The following PUF60 variants were observed in gnomAD, a reference collection of about 807,000 sequenced individuals.
PUF60 encodes the protein poly(U) binding splicing factor 60.
PUF60 carries 10 observed loss-of-function variants against 61.8 expected under a neutral mutation model. The ratio of observed to expected loss-of-function variants is 0.16; its 90% confidence interval spans 0.10 to 0.27. The LOEUF (loss-of-function observed/expected upper bound fraction) is 0.27. PUF60 is among the 10% of genes least tolerant of loss of function. The probability of loss-of-function intolerance (pLI) is 1.00; values close to 1 mark genes in which losing one functional copy is unlikely to be tolerated. For missense variants in PUF60, 371 were observed against 754.0 expected (o/e 0.49, Z 5.95); for synonymous variants, 353 against 300.9 (o/e 1.17, Z -1.79).
At chr8:143,827,731 C>A (rs999763400) in intron 1 of PUF60, among the ~76,000 whole-genome samples, 6 of 152,242 alleles carry the variant, frequency 3.9e-5, no homozygotes, top group Admixed American at 6.5e-5. Flanking sequence ...TTAAACCCAA[C>A]AGAATTTGGA....
intron 2 of PUF60, chr8:143,822,466 C>T (rs1162356186): frequency 6.6e-6 from 3 of 456,486 alleles, no homozygotes; most frequent in Non-Finnish European, 1.3e-5. Flanking sequence ...CCCCACCGTC[C>T]CCGCAGGCAC....
At chr8:143,827,356 A>G in intron 1 of PUF60, 1 of 456,230 alleles carries the variant, frequency 2.2e-6, no homozygotes, top group East Asian at 6.9e-5. Context: ...CCATGCGTCA[A>G]AGTGAAAAGA....
intron 1 of PUF60, among the ~76,000 whole-genome samples, chr8:143,825,579 G>C (rs1458708489): frequency 6.6e-6 from 1 of 152,152 alleles, no homozygotes; most frequent in East Asian, 1.9e-4. Context: ...CTAGAGTGCG[G>C]TGGTGCAACT....
At position 143,816,477 on chromosome 8, in the gene PUF60, AG is replaced by A; in HGVS notation, c.*42del. The A allele has an allele frequency of 6.4e-7, 1 of 1,569,506 alleles. No homozygotes were observed. The highest frequency in any genetic ancestry group is 8.6e-7 in the Non-Finnish European group (1 of 1,158,924). The stretch of plus-strand genomic sequence containing the variant: ...ACCACTGTATCACTATAAAACCCAG[AG>A]GAAACAAGGAACAAGTGCAAGTCCG... On this transcript the variant is annotated 3_prime_UTR_variant, in exon 12 of 12. Coordinates refer to ENST00000526683, the MANE Select transcript of PUF60 (RefSeq NM_078480.3).
At chr8:143,827,278 G>T in intron 1 of PUF60, 1 of 429,230 alleles carries the variant, frequency 2.3e-6, no homozygotes, top group East Asian at 7.2e-5. Flanking sequence ...ACAGAAGAAA[G>T]GAACTGGAAC....
chr8:143,817,961 C>G lies in PUF60; in HGVS notation c.718G>C (p.Asp240His). The change falls in exon 8 of 12, where the codon GAT becomes CAT. Residue 240 changes from aspartate (D) to histidine (H), a missense_variant. By Grantham distance (81) the Asp-to-His change is moderately conservative. This residue lies in a region of PUF60 where 31 missense variants were observed against 80.6 expected (regional missense o/e 0.38). Coordinates refer to ENST00000526683, the MANE Select transcript of PUF60 (RefSeq NM_078480.3). This position sits in a 1 kb window ranked among gnomAD's most constrained non-coding sequence, Gnocchi z 7.4. ...GCCTCAAACACGCTCTTGATGTCATCGTCTGAGAGGTCCTGGTGCACAGAG... is the reference window on the plus strand; with the variant it reads ...GCCTCAAACACGCTCTTGATGTCATGGTCTGAGAGGTCCTGGTGCACAGAG... The part of the protein sequence containing the change: ...VASVHQDLSD[D>H]DIKSVFEAFG... The G allele has an allele frequency of 6.2e-7, 1 of 1,612,932 alleles. No individual in the cohort carries two copies. Among genetic ancestry groups the G allele is most frequent in the Non-Finnish European group, 8.5e-7 (1 of 1,179,856 alleles).
In PUF60 at chr8:143,817,263, G is replaced by A. The variant is rs1199753268; in HGVS notation, c.1144+68C>T. ...GTGCCCAGACCACCAGGGCCAGGCA[G>A]CTGAGGGCAGCGAGCCGAGAGATGC... On this transcript the variant is annotated intron_variant, in intron 10 of 11. Transcript: ENST00000526683. This position sits in a 1 kb window ranked among gnomAD's most constrained non-coding sequence, Gnocchi z 7.4. 36 of 1,541,262 alleles carry A rather than the reference G, an allele frequency of 2.3e-5. No homozygotes were observed. The highest frequency in any genetic ancestry group is 3.1e-5 in the Non-Finnish European group (35 of 1,146,364).
chr8:143,821,731 G>A (rs757367386), intron 3 of PUF60, 45 bp from the exon 4 acceptor site: 1 of 1,545,680 alleles, frequency 6.5e-7, no homozygotes, highest in African/African-American at 1.4e-5. Context: ...CAGCCCATGG[G>A]AGACAGGCCT....
In PUF60 at chr8:143,817,457, C is replaced by T; in HGVS notation, c.1018G>A (p.Ala340Thr). 6.2e-7 allele frequency: 1 copy of T among 1,609,296 alleles called. No individual in the cohort carries two copies. The highest frequency in any genetic ancestry group is 8.5e-7 in the Non-Finnish European group (1 of 1,178,548). Reference sequence around the variant, plus strand: ...AGGGTACCCAGCACCGCTGCTCCGGCCACTGCTTCCTGCAACCCAAAAGGT... The same window carrying T: ...AGGGTACCCAGCACCGCTGCTCCGGTCACTGCTTCCTGCAACCCAAAAGGT... ...TAKITAQEAV[A>T]GAAVLGTLGT... The change falls in exon 10 of 12, where the codon GCC (alanine) becomes ACC (threonine). Residue 340 changes from alanine to threonine, a missense_variant. Physicochemically the swap from Ala to Thr is moderately conservative, Grantham distance 58. Around this residue, in one of 13 missense-constraint regions of PUF60, gnomAD observed 31 missense variants for 61.6 expected, o/e 0.50. Coordinates refer to ENST00000526683, the MANE Select transcript of PUF60 (RefSeq NM_078480.3). The surrounding 1 kb of genome is among the most constrained non-coding windows in gnomAD (Gnocchi z 7.4).
chr8:143,819,505 G>A (rs1816772747), intron 5 of PUF60, among the ~76,000 whole-genome samples: 2 of 152,188 alleles, frequency 1.3e-5, no homozygotes, highest in South Asian at 4.1e-4. Flanking sequence ...CTTGTGGCCA[G>A]AGACCAGTTT....
intron 5 of PUF60, chr8:143,819,182 A>C (rs1262292030): frequency 2.6e-5 from 4 of 152,096 alleles, no homozygotes; most frequent in African/African-American, 4.8e-5. Context: ...CAGCCGAGAG[A>C]GCGGGCCCAG....
chr8:143,822,912 G>T (rs1189805668), intron 2 of PUF60: 1 of 282,856 alleles, frequency 3.5e-6, no homozygotes, highest in African/African-American at 2.2e-5. Flanking sequence ...GGACAGCAGA[G>T]AAGAGAGAAG....
chr8:143,829,296 G>A lies in PUF60; in HGVS notation c.8C>T (p.Thr3Met), dbSNP rs1818031077. Reference sequence around the variant, plus strand: ...CTCACTTACGAGAGCTATGGTCGCCGTCGCCATCTTGCGTCCGTCGCGGCC... The same window carrying A: ...CTCACTTACGAGAGCTATGGTCGCCATCGCCATCTTGCGTCCGTCGCGGCC... MATATIALQVNGQ... is the reference protein window; with the variant it reads MAMATIALQVNGQ... Residue 3 changes from threonine (T) to methionine (M), a missense_variant, in exon 1 of 12, where the codon ACG becomes ATG. Transcript: ENST00000526683. 1.6e-6 allele frequency: 2 copies of A among 1,266,576 alleles called. No individual in the cohort carries two copies. Among genetic ancestry groups the A allele is most frequent in the Middle Eastern group, 2.0e-4 (1 of 4,894 alleles). The allele number at this position is 1,266,576 out of a possible 1,614,324, so 78.5% of individuals were successfully genotyped here. A position where few individuals can be genotyped will look rare whatever the true frequency, so the allele number is the denominator to read the frequency against.
intron 1 of PUF60, chr8:143,825,148 T>G (rs1276758477): frequency 6.6e-6 from 1 of 152,300 alleles, no homozygotes; most frequent in Non-Finnish European, 1.5e-5. Flanking sequence ...CTACTCTACC[T>G]TCTCAGAGGC....
At chr8:143,827,957 T>G (rs968905096) in intron 1 of PUF60, among the ~76,000 whole-genome samples, 1 of 152,170 alleles carries the variant, frequency 6.6e-6, no homozygotes, top group East Asian at 1.9e-4. Context: ...TCTCTGAGCC[T>G]CCTCCTCCTT....
chr8:143,817,920 C>T lies in PUF60; in HGVS notation c.759G>A (p.Lys253=). The T allele has an allele frequency of 6.2e-7, 1 of 1,612,912 alleles. No homozygotes were observed. Among genetic ancestry groups the T allele is most frequent in the South Asian group, 1.1e-5 (1 of 91,082 alleles). The change falls in exon 8 of 12, where the codon AAG becomes AAA. Residue 253 remains lysine (K), a synonymous_variant. Transcript: ENST00000526683. The surrounding 1 kb of genome is among the most constrained non-coding windows in gnomAD (Gnocchi z 7.4). ...KSVFEAFGKI[K]SCTLARDPTT... ...TGGGGTCCCGGGCCAGTGTGCAGGA[C>T]TTGATCTTGCCAAAGGCCTCAAACA... is the stretch of plus-strand genomic sequence containing the variant.
intron 1 of PUF60, among the ~76,000 whole-genome samples, chr8:143,826,634 G>C (rs1429263933): frequency 1.3e-5 from 2 of 152,104 alleles, no homozygotes. Context: ...ACCATGAATT[G>C]CCTGAACCCA....
chr8:143,828,788 C>G (rs966298632), intron 1 of PUF60, among the ~76,000 whole-genome samples: 2 of 152,184 alleles, frequency 1.3e-5, no homozygotes, highest in African/African-American at 4.8e-5. Context: ...CACCGGAGAA[C>G]GAATTCACAG....
intron 5 of PUF60, among the ~76,000 whole-genome samples, chr8:143,819,844 C>G (rs1291180158): frequency 6.6e-6 from 1 of 152,168 alleles, no homozygotes; most frequent in Non-Finnish European, 1.5e-5. Context: ...GCCCCACCCC[C>G]AGGCAGGCCA....
Sources: allele counts gnomAD v4.1 joint callset (sites outside exome capture counted in the v4.1 genomes callset), GRCh38; gene constraint gnomAD v4.1.1; regional missense constraint gnomAD v4.1.1; non-coding constraint Gnocchi (gnomAD v3.1); transcripts MANE v1.5; gene names NCBI Gene and HGNC (gene_info 2026-07-23, HGNC 2026-07-21).